ABHD1: variants seen among roughly 807,000 people sequenced by gnomAD.
The protein encoded by ABHD1 is abhydrolase domain containing 1.
In ABHD1, 47 loss-of-function variants were observed where a neutral mutation model predicts 41.4. The ratio of observed to expected loss-of-function variants is 1.13; its 90% CI spans 0.90 to 1.45. The LOEUF is 1.45. Among genes scored for constraint, ABHD1 ranks in the 40% most tolerant of loss-of-function variants. The pLI is 0.00. For synonymous variants in ABHD1, 205 were observed against 203.7 expected, an observed-to-expected ratio of 1.01 and a Z score of -0.05; for missense variants, 550 against 503.4, an observed-to-expected ratio of 1.09 and a Z score of -0.89.
In ABHD1 at chr2:27,130,722, C is replaced by T. The variant is rs1371589946; in HGVS notation, c.1196C>T (p.Pro399Leu). 3.1e-6 allele frequency: 5 copies of T among 1,614,102 alleles called. No homozygotes were observed. Among genetic ancestry groups the T allele is most frequent in the Non-Finnish European group, 3.4e-6 (4 of 1,180,032 alleles). The change falls in exon 9 of 9, where the codon CCT becomes CTT. Residue 399 changes from proline (P) to leucine (L), a missense_variant. Coordinates refer to ENST00000316470, the MANE Select transcript of ABHD1 (RefSeq NM_032604.4). ...CTGCCTGACCTCAGGGCTCTCTTAC[C>T]TTCTGAGGACAGAAACAGCTGACAA... is the stretch of plus-strand genomic sequence containing the variant. The part of the protein sequence containing the change: ...EGLPDLRALL[P>L]SEDRNS
In ABHD1 at chr2:27,129,912, G is replaced by A; in HGVS notation, c.776G>A (p.Cys259Tyr). The A allele has an allele frequency of 6.2e-7, 1 of 1,614,004 alleles. No individual in the cohort carries two copies. Among genetic ancestry groups the A allele is most frequent in the Admixed American group, 1.7e-5 (1 of 60,026 alleles). ...LFNQPLTAGL[C>Y]QLVERNRKVI... Reference sequence around the variant, plus strand: ...AATCAGCCCCTCACTGCTGGGCTCTGCCAACTTGTGGAACGGTAGGGTCGT... The same window carrying A: ...AATCAGCCCCTCACTGCTGGGCTCTACCAACTTGTGGAACGGTAGGGTCGT... The change falls in exon 6 of 9, where the codon TGC becomes TAC. Residue 259 changes from cysteine (C) to tyrosine (Y), a missense_variant. Cys to Tyr is a radical substitution (Grantham distance 194, BLOSUM62 -2). Coordinates refer to ENST00000316470, the MANE Select transcript of ABHD1 (RefSeq NM_032604.4).
Position 27,123,857 on chromosome 2 carries a change from C to T in ABHD1, c.-92C>T. ...GCAGCGGGGACCGGACCTGCACAGG[C>T]CGCCTATGGCGGGCGGCGGGTGGGA... On this transcript the variant is annotated 5_prime_UTR_variant, in exon 1 of 9. Transcript: ENST00000316470. The T allele has an allele frequency of 3.6e-6, 4 of 1,108,606 alleles. No homozygotes were observed. In the South Asian group the frequency reaches 4.0e-5, roughly 11 times the overall value. 68.7% of individuals were successfully genotyped at this position (1,108,606 alleles called of 1,614,324 possible).
intron 6 of ABHD1, 41 bp downstream of exon 6, chr2:27,129,968 G>A: frequency 6.2e-7 from 1 of 1,612,814 alleles, no homozygotes. Context: ...AGACAGAGTA[G>A]GATGGCAGAC....
chr2:27,129,433 TCCTA>T (rs946222724), intron 4 of ABHD1, 72 bp downstream of exon 4: 97 of 1,611,336 alleles, frequency 6.0e-5, no homozygotes, highest in Middle Eastern at 1.7e-4. Flanking sequence ...GGGGCTCACC[TCCTA>T]CCTATCCTTC....
Position 27,123,977 on chromosome 2 carries a change from A to G in ABHD1, c.29A>G (p.Asn10Ser), listed in dbSNP as rs1671847846. Residue 10 changes from asparagine (N) to serine (S), a missense_variant, in exon 1 of 9, where the codon AAT becomes AGT. Coordinates refer to ENST00000316470, the MANE Select transcript of ABHD1 (RefSeq NM_032604.4). MLSSFLSPQNGTWADTFSLL... is the reference protein window; with the variant it reads MLSSFLSPQSGTWADTFSLL... ...CTGAGCTCCTTCCTGAGCCCCCAGA[A>G]TGGCACCTGGGCAGACACCTTCTCT... 2 of 1,614,240 alleles carry G rather than the reference A, an allele frequency of 1.2e-6. No homozygotes were observed. Among genetic ancestry groups the G allele is most frequent in the East Asian group, 2.2e-5 (1 of 44,870 alleles).
At chr2:27,124,409 C>G (rs1020072696) in intron 1 of ABHD1, 27 of 377,836 alleles carry the variant, frequency 7.1e-5, no homozygotes, top group South Asian at 3.8e-4. Context: ...AAGGAAGGAA[C>G]CAGAGGTCTG....
In ABHD1 at chr2:27,124,025, C is replaced by T. The variant is rs756487979; in HGVS notation, c.77C>T (p.Ala26Val). The change falls in exon 1 of 9, where the codon GCC becomes GTC. Residue 26 changes from alanine to valine, a missense_variant. Physicochemically the swap from Ala to Val is moderately conservative, Grantham distance 64 (BLOSUM62 0). Coordinates refer to ENST00000316470, the MANE Select transcript of ABHD1 (RefSeq NM_032604.4). ...TFSLLLALAV[A>V]LYLGYYWACV... Reference sequence around the variant, plus strand: ...TCTCTGCTCTTGGCTCTTGCCGTTGCCCTCTACTTGGGCTACTACTGGGCA... The same window carrying T: ...TCTCTGCTCTTGGCTCTTGCCGTTGTCCTCTACTTGGGCTACTACTGGGCA... 48 of 1,614,110 alleles carry T rather than the reference C, an allele frequency of 3.0e-5. No individual in the cohort carries two copies. Among genetic ancestry groups the T allele is most frequent in the Non-Finnish European group, 3.8e-5 (45 of 1,180,050 alleles).
chr2:27,128,052 G>GT (rs1672045618), intron 1 of ABHD1, among the ~76,000 whole-genome samples: 1 of 152,120 alleles, frequency 6.6e-6, no homozygotes, highest in Non-Finnish European at 1.5e-5. Flanking sequence ...GGGCTCAAGT[G>GT]ATCCTCCCAC....
At position 27,128,978 on chromosome 2, in the gene ABHD1, C is replaced by A. The variant is rs373550032; in HGVS notation, c.309C>A (p.Leu103=). The change falls in exon 3 of 9, where the codon CTC becomes CTA. Residue 103 remains leucine (L), a synonymous_variant. Transcript: ENST00000316470. The part of the protein sequence containing the change: ...DILQTPDGGQ[L]LLDWAKQPDS... ...TCCAAACACCAGATGGAGGCCAGCT[C>A]CTGCTAGACTGGGCCAAGCAGCCTG... The A allele has an allele frequency of 2.4e-5, 39 of 1,614,132 alleles. 1 individual carries two copies. Among genetic ancestry groups the A allele is most frequent in the Middle Eastern group, 1.6e-4 (1 of 6,062 alleles).
At position 27,123,974 on chromosome 2, in the gene ABHD1, A is replaced by G; in HGVS notation, c.26A>G (p.Gln9Arg). The G allele has an allele frequency of 6.2e-7, 1 of 1,614,258 alleles. No individual in the cohort carries two copies. Among genetic ancestry groups the G allele is most frequent in the Non-Finnish European group, 8.5e-7 (1 of 1,180,036 alleles). MLSSFLSP[Q>R]NGTWADTFSL... ...ATGCTGAGCTCCTTCCTGAGCCCCC[A>G]GAATGGCACCTGGGCAGACACCTTC... Residue 9 changes from glutamine (Q) to arginine (R), a missense_variant, in exon 1 of 9, where the codon CAG (glutamine) becomes CGG (arginine). By Grantham distance (43) the Gln-to-Arg change is conservative (BLOSUM62 1). Coordinates refer to ENST00000316470, the MANE Select transcript of ABHD1 (RefSeq NM_032604.4).
chr2:27,125,347 T>C (rs1671916991), intron 1 of ABHD1: 1 of 152,150 alleles, frequency 6.6e-6, no homozygotes, highest in South Asian at 2.1e-4. Flanking sequence ...AGCTAACGAA[T>C]ACTGGTTAAA....
Position 27,129,108 on chromosome 2 carries a change from G to A in ABHD1, c.439G>A (p.Ala147Thr), listed in dbSNP as rs1205727793. 6.2e-7 allele frequency: 1 copy of A among 1,613,122 alleles called. No individual in the cohort carries two copies. The highest frequency in any genetic ancestry group is 8.5e-7 in the Non-Finnish European group (1 of 1,179,880). ...ETYVLHLVNQ[A>T]LRDGYQAVVF... is the part of the protein sequence containing the mutation. ...ATACGTCTTGCACCTAGTTAACCAA[G>A]CTCTGAGGGATGGCTACCAGTAAGG... Residue 147 changes from alanine to threonine, a missense_variant, in exon 3 of 9, where the codon GCT becomes ACT. By Grantham distance (58) the Ala-to-Thr change is moderately conservative. Coordinates refer to ENST00000316470, the MANE Select transcript of ABHD1 (RefSeq NM_032604.4).
At chr2:27,128,822 A>G in intron 2 of ABHD1, 123 bp from the exon 3 acceptor site, 1 of 1,283,870 alleles carries the variant, frequency 7.8e-7, no homozygotes, top group Non-Finnish European at 1.1e-6. Context: ...TACATGAAGA[A>G]CACCCTCAGA....
chr2:27,129,887 A>T lies in ABHD1; in HGVS notation c.751A>T (p.Asn251Tyr). The change falls in exon 6 of 9, where the codon AAT becomes TAT. Residue 251 changes from asparagine to tyrosine, a missense_variant. By Grantham distance (143) the Asn-to-Tyr change is moderately radical. Coordinates refer to ENST00000316470, the MANE Select transcript of ABHD1 (RefSeq NM_032604.4). ...LETPLNSLLFNQPLTAGLCQL... is the reference protein window; with the variant it reads ...LETPLNSLLFYQPLTAGLCQL... Reference sequence around the variant, plus strand: ...AACCCCACTCAACTCACTGCTCTTCAATCAGCCCCTCACTGCTGGGCTCTG... The same window carrying T: ...AACCCCACTCAACTCACTGCTCTTCTATCAGCCCCTCACTGCTGGGCTCTG... 6.2e-7 allele frequency: 1 copy of T among 1,614,022 alleles called. No individual in the cohort carries two copies. Among genetic ancestry groups the T allele is most frequent in the Non-Finnish European group, 8.5e-7 (1 of 1,180,014 alleles).
rs1558476335 is a variant in ABHD1, at chr2:27,130,262, C to T, written c.852C>T (p.Ile284=). 3 of 1,614,186 alleles carry T rather than the reference C, an allele frequency of 1.9e-6. No homozygotes were observed. Among genetic ancestry groups the T allele is most frequent in the Non-Finnish European group, 2.5e-6 (3 of 1,180,032 alleles). ...DIDFVLQART[I]RQFDERYTSV... is the part of the protein sequence containing the mutation. ...GGTAAGACCTGCAGGCCCGTACAAT[C>T]CGCCAGTTTGATGAGCGCTACACAT... Residue 284 remains isoleucine (I), a synonymous_variant, in exon 8 of 9, where the codon ATC becomes ATT. Coordinates refer to ENST00000316470, the MANE Select transcript of ABHD1 (RefSeq NM_032604.4).
chr2:27,126,454 T>C (rs545368678), intron 1 of ABHD1: 1 of 152,376 alleles, frequency 6.6e-6, no homozygotes, highest in East Asian at 1.9e-4. Flanking sequence ...TTTGCCCCTG[T>C]AGACTATAGG....
chr2:27,129,514 A>AC lies in ABHD1; in HGVS notation c.508dup (p.His170ProfsTer10), dbSNP rs749890267. The stretch of plus-strand genomic sequence containing the variant: ...ACCCAATGATCTGGTTTGCCCTCAG[A>AC]CCCACAGGGCTTTTTGTGCCAGCAA... On this transcript the variant is annotated frameshift_variant and splice_region_variant, in exon 5 of 9. Coordinates refer to ENST00000316470, the MANE Select transcript of ABHD1 (RefSeq NM_032604.4). LOFTEE classifies it high-confidence loss of function. 1 of 1,613,936 alleles carries AC rather than the reference A, an allele frequency of 6.2e-7. No individual in the cohort carries two copies. Among genetic ancestry groups the AC allele is most frequent in the South Asian group, 1.1e-5 (1 of 91,076 alleles).
rs770862474 is a variant in ABHD1 at position 27,130,626 on chromosome 2, C to T, written c.1100C>T (p.Pro367Leu). The T allele has an allele frequency of 2.5e-5, 40 of 1,614,056 alleles. No individual in the cohort carries two copies. Among genetic ancestry groups the T allele is most frequent in the Middle Eastern group, 1.6e-4 (1 of 6,084 alleles). ...ATCGGCTTCCTGGAAGGGCTGCTCC[C>T]GTGGCAGCACTGGTACATGAGCCGC... ...GHIGFLEGLL[P>L]WQHWYMSRLL... The change falls in exon 9 of 9, where the codon CCG (proline) becomes CTG (leucine). Residue 367 changes from proline to leucine, a missense_variant. By Grantham distance (98) the Pro-to-Leu change is moderately conservative (BLOSUM62 -3). Coordinates refer to ENST00000316470, the MANE Select transcript of ABHD1 (RefSeq NM_032604.4).
chr2:27,124,265 C>T (rs1671864039), intron 1 of ABHD1: 4 of 674,526 alleles, frequency 5.9e-6, no homozygotes, highest in Non-Finnish European at 1.1e-5. Context: ...CTTTTGGGTA[C>T]CGGAGGGTGC....
Sources: allele counts gnomAD v4.1 joint callset (sites outside exome capture counted in the v4.1 genomes callset), GRCh38; gene constraint gnomAD v4.1.1; transcripts MANE v1.5; gene names NCBI Gene and HGNC (gene_info 2026-07-23, HGNC 2026-07-21).